The following SERBP1 variants were observed in gnomAD, a reference collection of about 807,000 sequenced individuals.
SERBP1 encodes the protein SERPINE1 mRNA binding protein 1, also known as SERPINE1 mRNA-binding protein 1.
Under a neutral mutation model 50.2 loss-of-function variants are expected in SERBP1, and 6 were observed. The ratio of observed to expected loss-of-function variants is 0.12; its 90% CI spans 0.07 to 0.24. The LOEUF (loss-of-function observed/expected upper bound fraction) is 0.24, where lower values mean the gene tolerates loss of function less well. SERBP1 is among the 10% of genes least tolerant of loss of function. The probability of loss-of-function intolerance (pLI) is 1.00; values close to 1 mark genes in which losing one functional copy is unlikely to be tolerated. For synonymous variants in SERBP1, 168 were observed against 182.8 expected (o/e 0.92, Z 0.65); for missense variants, 346 against 524.9 (o/e 0.66, Z 3.33).
chr1:67,422,073 A>C (rs552647746), intron 5 of SERBP1, among the ~76,000 whole-genome samples: 1 of 152,288 alleles, frequency 6.6e-6, no homozygotes, highest in South Asian at 2.1e-4. Context: ...ATAAATTTTT[A>C]TTACCAAGTT....
intron 6 of SERBP1, among the ~76,000 whole-genome samples, chr1:67,418,765 A>T (rs562911625): frequency 1.1e-4 from 16 of 152,324 alleles, no homozygotes; most frequent in East Asian, 9.6e-4. Context: ...TCTCAAAAAA[A>T]AAAAATAAAA....
intron 2 of SERBP1, among the ~76,000 whole-genome samples, chr1:67,425,750 G>T (rs549121202): frequency 1.3e-5 from 2 of 152,284 alleles, no homozygotes; most frequent in South Asian, 4.1e-4. Flanking sequence ...ATGTTTCTGT[G>T]AAAAATTAAT....
At chr1:67,424,636 T>C (rs2100437588) in intron 4 of SERBP1, among the ~76,000 whole-genome samples, 1 of 151,984 alleles carries the variant, frequency 6.6e-6, no homozygotes, top group East Asian at 1.9e-4. Context: ...CAAATAACCT[T>C]ATTGTGGGGT....
intron 1 of SERBP1, among the ~76,000 whole-genome samples, chr1:67,426,493 AATAC>A (rs1252306714): frequency 1.3e-5 from 2 of 152,308 alleles, no homozygotes; most frequent in East Asian, 3.9e-4. Flanking sequence ...CCACCGACTA[AATAC>A]ATAAATAAAT....
intron 5 of SERBP1, chr1:67,420,398 T>A: frequency 2.1e-6 from 1 of 479,682 alleles, no homozygotes; most frequent in Non-Finnish European, 3.7e-6. Flanking sequence ...GTAAGGAATA[T>A]GGAATTCATA....
At chr1:67,418,797 G>A (rs1250343334) in intron 6 of SERBP1, among the ~76,000 whole-genome samples, 1 of 152,102 alleles carries the variant, frequency 6.6e-6, no homozygotes, top group African/African-American at 2.4e-5. Context: ...CTTATTGAAA[G>A]GGTTTGCCCT....
rs1311050000 is a variant in SERBP1 at position 67,409,419 on chromosome 1, A to ACACACACACACACC, written c.*3787_*3788insGGTGTGTGTGTGTG. The ACACACACACACACC allele has an allele frequency of 2.4e-5, 3 of 125,080 alleles. No individual in the cohort carries two copies. The South Asian group carries it at 8.0e-4, about 33-fold the overall frequency. The allele number at this position is 125,080 out of a possible 1,614,324, so 7.7% of individuals were successfully genotyped here. A position where few individuals can be genotyped will look rare whatever the true frequency, so the allele number is the denominator to read the frequency against. The stretch of plus-strand genomic sequence containing the variant: ...CACACACACACACACACACACACAC[A>ACACACACACACACC]CCCCCACACACACCAGGTCACAGGC... On this transcript the variant is annotated 3_prime_UTR_variant, in exon 8 of 8. Transcript: ENST00000361219.
intron 5 of SERBP1, among the ~76,000 whole-genome samples, chr1:67,422,466 C>T (rs182970486): frequency 1.7e-4 from 26 of 151,334 alleles, no homozygotes; most frequent in African/African-American, 6.1e-4. Context: ...GCCGAGATCA[C>T]GCCATTGCAC....
chr1:67,416,011 CTTTTTTT>C (rs376512995), intron 6 of SERBP1, among the ~76,000 whole-genome samples: 71 of 125,316 alleles, frequency 5.7e-4, no homozygotes, highest in Non-Finnish European at 8.0e-4. Context: ...TCACAGGAAC[CTTTTTTT>C]TTTTTTTTTT....
rs1386874607 is a variant in SERBP1, at chr1:67,408,859, C to T, written c.*4348G>A. 6.6e-6 allele frequency: 1 copy of T among 152,066 alleles called. No homozygotes were observed. 9.4% of individuals were successfully genotyped at this position (152,066 alleles called of 1,614,324 possible). A position where few individuals can be genotyped will look rare whatever the true frequency, so the allele number is the denominator to read the frequency against. On this transcript the variant is annotated 3_prime_UTR_variant, in exon 8 of 8. Transcript: ENST00000361219. ...TGTTTTACTAACAAGTTTTATCTTG[C>T]CCTTACTTTGATTATATAGAGGTGT...
At position 67,409,837 on chromosome 1, in the gene SERBP1, G is replaced by C. The variant is rs1666770017; in HGVS notation, c.*3370C>G. 1 of 152,128 alleles carries C rather than the reference G, an allele frequency of 6.6e-6. No individual in the cohort carries two copies. Among genetic ancestry groups the C allele is most frequent in the Admixed American group, 6.5e-5 (1 of 15,272 alleles). The allele number at this position is 152,128 out of a possible 1,614,324, so 9.4% of individuals were successfully genotyped here. The stretch of plus-strand genomic sequence containing the variant: ...TAAATCATTTAATTACTATGGTCCA[G>C]TTCAAATATGTATCATTTTACTGCC... On this transcript the variant is annotated 3_prime_UTR_variant, in exon 8 of 8. Coordinates refer to ENST00000361219, the MANE Select transcript of SERBP1 (RefSeq NM_001018069.2).
chr1:67,419,999 T>G lies in SERBP1; in HGVS notation c.951+10A>C. On this transcript the variant is annotated intron_variant, in intron 6 of 7. Coordinates refer to ENST00000361219, the MANE Select transcript of SERBP1 (RefSeq NM_001018069.2). ...TGAACATTTTCAAACACGACAAAAC[T>G]TAATTTTACCTCTTCACTCTTTGAT... 1.2e-6 allele frequency: 2 copies of G among 1,612,412 alleles called. No homozygotes were observed. The highest frequency in any genetic ancestry group is 2.2e-5 in the South Asian group (2 of 90,904).
chr1:67,425,423 T>G (rs1667337175), intron 2 of SERBP1, among the ~76,000 whole-genome samples, 200 bp from the exon 3 acceptor site: 1 of 152,200 alleles, frequency 6.6e-6, no homozygotes, highest in Non-Finnish European at 1.5e-5. Flanking sequence ...ACAAGAAAAC[T>G]ATTTTAGCAC....
chr1:67,416,106 A>C (rs985261469), intron 6 of SERBP1, among the ~76,000 whole-genome samples: 20 of 143,382 alleles, frequency 1.4e-4, no homozygotes, highest in African/African-American at 4.6e-4. Flanking sequence ...TCCACCTCCC[A>C]GGCTCAAGCG....
intron 1 of SERBP1, chr1:67,429,361 C>G (rs1468122405): frequency 6.6e-6 from 1 of 152,338 alleles, no homozygotes; most frequent in Non-Finnish European, 1.5e-5. Flanking sequence ...CTCAACTCAC[C>G]CCAGCAAGTT....
chr1:67,428,141 T>C (rs141729415), intron 1 of SERBP1, among the ~76,000 whole-genome samples: 1 of 152,304 alleles, frequency 6.6e-6, no homozygotes, highest in African/African-American at 2.4e-5. Flanking sequence ...ATTCAACACT[T>C]TTCCTGTATT....
rs1666753040 is a variant in SERBP1 at position 67,409,416 on chromosome 1, C to CACAT, written c.*3790_*3791insATGT. ...ACACACACACACACACACACACACA[C>CACAT]ACACCCCCACACACACCAGGTCACA... On this transcript the variant is annotated 3_prime_UTR_variant, in exon 8 of 8. Transcript: ENST00000361219. The CACAT allele has an allele frequency of 1.6e-5, 2 of 124,796 alleles. No individual in the cohort carries two copies. Among genetic ancestry groups the CACAT allele is most frequent in the Non-Finnish European group, 3.1e-5 (2 of 63,656 alleles). The allele number at this position is 124,796 out of a possible 1,614,324, so 7.7% of individuals were successfully genotyped here.
rs537710297 is a variant in SERBP1 at position 67,412,175 on chromosome 1, T to C, written c.*1032A>G. 10 of 152,800 alleles carry C rather than the reference T, an allele frequency of 6.5e-5. No individual in the cohort carries two copies. Among genetic ancestry groups the C allele is most frequent in the African/African-American group, 2.4e-4 (10 of 41,590 alleles). The allele number at this position is 152,800 out of a possible 1,614,324, so 9.5% of individuals were successfully genotyped here. On this transcript the variant is annotated 3_prime_UTR_variant, in exon 8 of 8. Coordinates refer to ENST00000361219, the MANE Select transcript of SERBP1 (RefSeq NM_001018069.2). ...AACCAGCGCCCTTTGGTTTTTGTTT[T>C]AGAACAAGGAAGGGTTAAATGGTGG...
At position 67,408,022 on chromosome 1, in the gene SERBP1, A is replaced by G. The variant is rs1346223691; in HGVS notation, c.*5185T>C. 2 of 152,196 alleles carry G rather than the reference A, an allele frequency of 1.3e-5. No homozygotes were observed. The highest frequency in any genetic ancestry group is 3.8e-4 in the East Asian group (2 of 5,196). The allele number at this position is 152,196 out of a possible 1,614,324, so 9.4% of individuals were successfully genotyped here. On this transcript the variant is annotated 3_prime_UTR_variant, in exon 8 of 8. Transcript: ENST00000361219. Reference sequence around the variant, plus strand: ...CTAGAACTGAATCAGCTACAACTGCAAACAAGGTGATTAGTGCAAAGTAAT... The same window carrying G: ...CTAGAACTGAATCAGCTACAACTGCGAACAAGGTGATTAGTGCAAAGTAAT...
Sources: allele counts gnomAD v4.1 joint callset (sites outside exome capture counted in the v4.1 genomes callset), GRCh38; gene constraint gnomAD v4.1.1; transcripts MANE v1.5; gene names NCBI Gene and HGNC (gene_info 2026-07-23, HGNC 2026-07-21).